Variants in EPB41L3 observed in about 807,000 individuals in gnomAD.
The protein encoded by EPB41L3 is band 4.1-like protein 3.
EPB41L3 carries 57 observed loss-of-function variants against 127.1 expected under a neutral mutation model. The observed-to-expected ratio is 0.45, with a 90% CI of 0.36 to 0.56. EPB41L3 has a LOEUF of 0.56. Among genes scored for constraint, EPB41L3 ranks in the 20% least tolerant of loss-of-function variants. The probability of loss-of-function intolerance (pLI) is 0.00; values close to 1 mark genes in which losing one functional copy is unlikely to be tolerated. For synonymous variants in EPB41L3, 572 were observed against 549.5 expected (o/e 1.04, Z -0.57); for missense variants, 1,273 against 1,372.2 (o/e 0.93, Z 1.14).
upstream of EPB41L3, among the ~76,000 whole-genome samples, chr18:5,544,602 C>T (rs1362620779): frequency 6.6e-6 from 1 of 152,136 alleles, no homozygotes; most frequent in Non-Finnish European, 1.5e-5. Flanking sequence ...GGAGGTGGCT[C>T]ACTGACTTGT....
In EPB41L3 at chr18:5,402,184, C is replaced by A. The variant is rs569608516; in HGVS notation, c.2350-4041G>T. 4.0e-5 allele frequency among the ~76,000 whole-genome samples: 6 copies of A among 149,464 alleles called. No individual in the cohort carries two copies. In the South Asian group the frequency reaches 1.3e-3, roughly 31 times the overall value. ...CAGAGGAGGAAAAAAAAAAACCCAA[C>A]AACAACAAAAATCTCTATCCCACTG... On this transcript the variant is annotated intron_variant, in intron 16 of 22. Transcript: ENST00000341928.
chr18:5,477,292 T>C (rs138777670), intron 3 of EPB41L3, among the ~76,000 whole-genome samples: 2 of 152,314 alleles, frequency 1.3e-5, no homozygotes, highest in Admixed American at 6.5e-5. Flanking sequence ...CACACATGTG[T>C]GCACTGCCTG....
chr18:5,544,408 AT>A (rs529752888), upstream of EPB41L3: 1,961 of 711,544 alleles, frequency 2.8e-3, no homozygotes, highest in Non-Finnish European at 3.1e-3. Flanking sequence ...GGACTGCAGT[AT>A]TTTTTTTTTC....
At chr18:5,532,639 G>A (rs1001206391) in intron 1 of EPB41L3, among the ~76,000 whole-genome samples, 2 of 152,228 alleles carry the variant, frequency 1.3e-5, no homozygotes, top group African/African-American at 4.8e-5. Flanking sequence ...CAAAAGATGG[G>A]TTGGTTTAAT....
chr18:5,587,264 A>C (rs549127671), intron 3 of EPB41L3, among the ~76,000 whole-genome samples: 1 of 152,246 alleles, frequency 6.6e-6, no homozygotes, highest in African/African-American at 2.4e-5. Context: ...CTAAAAGTTT[A>C]GCTTTTGCAC....
rs1387136151 is a variant in EPB41L3 at position 5,484,106 on chromosome 18, A to C, written c.183+4895T>G. Among the ~76,000 whole-genome samples, 949 of 141,582 alleles carry C rather than the reference A, an allele frequency of 6.7e-3. 13 individuals carry two copies. The highest frequency in any genetic ancestry group is 0.023 in the African/African-American group (864 of 37,760). 92.9% of individuals were successfully genotyped at this position (141,582 alleles called of 152,430 possible). A position where few individuals can be genotyped will look rare whatever the true frequency, so the allele number is the denominator to read the frequency against. ...AAACTCAAAAAAAAAAAAAAAAAAA[A>C]AAAAAAAAAAAAAAACAGAAAAAAA... On this transcript the variant is annotated intron_variant, in intron 2 of 22. Transcript: ENST00000341928.
chr18:5,409,009 T>C (rs2075858066), intron 14 of EPB41L3, among the ~76,000 whole-genome samples: 1 of 152,198 alleles, frequency 6.6e-6, no homozygotes, highest in Non-Finnish European at 1.5e-5. Context: ...ATTTAGTCTA[T>C]CTAGGTCTCC....
In EPB41L3 at chr18:5,428,317, C is replaced by G; in HGVS notation, c.1061G>C (p.Gly354Ala). Residue 354 changes from glycine (G) to alanine (A), a missense_variant, in exon 9 of 23, where the codon GGA becomes GCA. Coordinates refer to ENST00000341928, the MANE Select transcript of EPB41L3 (RefSeq NM_012307.5). The part of the protein sequence containing the change: ...RNNFYIKIRP[G>A]EFEQFESTIG... ...GGCAAATGTGGGTATACTTACCTCT[C>G]CCGGCCGGATCTTAATGTAAAAGTT... 6.2e-7 allele frequency: 1 copy of G among 1,614,134 alleles called. No homozygotes were observed. The highest frequency in any genetic ancestry group is 8.5e-7 in the Non-Finnish European group (1 of 1,180,026).
At chr18:5,497,483 G>C (rs889548011) in intron 1 of EPB41L3, among the ~76,000 whole-genome samples, 5 of 152,204 alleles carry the variant, frequency 3.3e-5, no homozygotes, top group African/African-American at 1.2e-4. Context: ...GATGAGAAAT[G>C]TACGAAGCTG....
intron 2 of EPB41L3, among the ~76,000 whole-genome samples, chr18:5,614,118 A>T (rs2094763537): frequency 6.6e-6 from 1 of 152,198 alleles, no homozygotes; most frequent in African/African-American, 2.4e-5. Flanking sequence ...TGGCCAAGGG[A>T]AGAATTCTGG....
chr18:5,403,986 A>C (rs1175068274), intron 16 of EPB41L3, among the ~76,000 whole-genome samples: 4 of 152,212 alleles, frequency 2.6e-5, no homozygotes, highest in African/African-American at 9.7e-5. Context: ...CCATGGTTTT[A>C]ATATAGAAAT....
chr18:5,549,096 T>C (rs2093927137), upstream of EPB41L3, among the ~76,000 whole-genome samples: 1 of 152,240 alleles, frequency 6.6e-6, no homozygotes, highest in Non-Finnish European at 1.5e-5. Flanking sequence ...TATTAACTTG[T>C]TAATGCTATC....
chr18:5,609,923 T>A (rs1312750642), intron 3 of EPB41L3, among the ~76,000 whole-genome samples: 1 of 152,128 alleles, frequency 6.6e-6, no homozygotes. Context: ...TGAATATGAT[T>A]CATCTTCGTT....
At chr18:5,575,763 G>A (rs1250418872) in intron 3 of EPB41L3, among the ~76,000 whole-genome samples, 2 of 152,148 alleles carry the variant, frequency 1.3e-5, no homozygotes, top group Non-Finnish European at 2.9e-5. Context: ...CTTGAACCCA[G>A]GAGACGGAGG....
chr18:5,403,503 AC>A (rs1377277927), intron 16 of EPB41L3, among the ~76,000 whole-genome samples: 2 of 151,990 alleles, frequency 1.3e-5, no homozygotes, highest in Non-Finnish European at 2.9e-5. Context: ...TACTATAGAT[AC>A]AACAGTATAA....
rs9961061 is a variant in EPB41L3, at chr18:5,580,475, C to G, written c.-306+31865G>C. On this transcript the variant is annotated intron_variant, in intron 3 of 21. Transcript: ENST00000545076. ...AGATGCACTCACAAATATATAGATA[C>G]AGACTCATATGCACATATAGGCACA... Among the ~76,000 whole-genome samples the G allele has an allele frequency of 6.0e-3, 917 of 152,162 alleles. 10 individuals are homozygous for G. The highest frequency in any genetic ancestry group is 0.021 in the African/African-American group (887 of 41,504).
chr18:5,598,221 TG>T (rs1022457249), intron 3 of EPB41L3, among the ~76,000 whole-genome samples: 7 of 152,068 alleles, frequency 4.6e-5, no homozygotes, highest in Admixed American at 3.9e-4. Flanking sequence ...CATTTCTGAG[TG>T]AAGTTGGATT....
chr18:5,628,399 T>C (rs2094947288), intron 1 of EPB41L3, among the ~76,000 whole-genome samples: 1 of 152,204 alleles, frequency 6.6e-6, no homozygotes, highest in Non-Finnish European at 1.5e-5. Flanking sequence ...GGCGGGGGTC[T>C]GTAACTAACA....
intron 3 of EPB41L3, among the ~76,000 whole-genome samples, chr18:5,475,635 C>G (rs1171452408): frequency 6.6e-6 from 1 of 152,182 alleles, no homozygotes; most frequent in African/African-American, 2.4e-5. Flanking sequence ...AAATTGTTAC[C>G]AAGGCTGACT....
Sources: allele counts gnomAD v4.1 joint callset (sites outside exome capture counted in the v4.1 genomes callset), GRCh38; gene constraint gnomAD v4.1.1; transcripts MANE v1.5; gene names NCBI Gene and HGNC (gene_info 2026-07-23, HGNC 2026-07-21).